DIRAS2: variants seen among roughly 807,000 people sequenced by gnomAD.
The protein encoded by DIRAS2 is GTP-binding protein Di-Ras2.
A neutral mutation model predicts 13.9 loss-of-function variants in DIRAS2; 5 were observed. The ratio of observed to expected loss-of-function variants is 0.36; its 90% confidence interval spans 0.19 to 0.76. The LOEUF (loss-of-function observed/expected upper bound fraction) is 0.76, where lower values mean the gene tolerates loss of function less well. Ranked by LOEUF, DIRAS2 falls within the 30% of genes least tolerant of loss-of-function variation. DIRAS2 has a pLI of 0.53. For synonymous variants in DIRAS2, 111 were observed against 105.4 expected (o/e 1.05, Z -0.33); for missense variants, 191 against 263.0 (o/e 0.73, Z 1.89).
chr9:90,619,078 G>T (rs1167717764), intron 1 of DIRAS2, among the ~76,000 whole-genome samples: 7 of 152,184 alleles, frequency 4.6e-5, no homozygotes, highest in Non-Finnish European at 1.0e-4. Context: ...GGCAGAGGTT[G>T]CAGTGAGCCA....
chr9:90,614,164 A>G (rs1042490685), intron 1 of DIRAS2, among the ~76,000 whole-genome samples: 4 of 152,326 alleles, frequency 2.6e-5, no homozygotes, highest in African/African-American at 9.6e-5. Context: ...GACAGCACCA[A>G]GGAAAGGCAA....
Position 90,613,462 on chromosome 9 carries a change from C to T in DIRAS2, c.366G>A (p.Lys122=), listed in dbSNP as rs768828141. 6.2e-7 allele frequency: 1 copy of T among 1,614,088 alleles called. No individual in the cohort carries two copies. Among genetic ancestry groups the T allele is most frequent in the Non-Finnish European group, 8.5e-7 (1 of 1,180,026 alleles). ...ESIPIMLVGN[K]CDESPSREVQ... ...CCTCGCGGCTGGGGCTCTCATCACACTTGTTCCCCACCAGCATGATGGGGA... is the reference window on the plus strand; with the variant it reads ...CCTCGCGGCTGGGGCTCTCATCACATTTGTTCCCCACCAGCATGATGGGGA... Residue 122 remains lysine (K), a synonymous_variant, in exon 2 of 2, where the codon AAG becomes AAA. Transcript: ENST00000375765. The surrounding 1 kb of genome is among the most constrained non-coding windows in gnomAD (Gnocchi z 5.6).
chr9:90,613,187 G>A lies in DIRAS2; in HGVS notation c.*41C>T, dbSNP rs1408008638. The A allele has an allele frequency of 2.5e-6, 4 of 1,577,856 alleles. No homozygotes were observed. On this transcript the variant is annotated 3_prime_UTR_variant, in exon 2 of 2. Transcript: ENST00000375765. The surrounding 1 kb of genome is among the most constrained non-coding windows in gnomAD (Gnocchi z 5.6). ...GTGGGTGTCATTTTGGGGGAGTGAG[G>A]TGCCGGGGACACACAGCTGCTCCTC...
intron 1 of DIRAS2, among the ~76,000 whole-genome samples, chr9:90,619,986 T>C (rs972583086): frequency 3.3e-5 from 5 of 152,102 alleles, no homozygotes; most frequent in Admixed American, 6.5e-5. Context: ...ACATTCAGAA[T>C]TGCAAATATA....
chr9:90,627,078 T>C (rs1257677495), intron 1 of DIRAS2, among the ~76,000 whole-genome samples: 1 of 152,104 alleles, frequency 6.6e-6, no homozygotes, highest in Non-Finnish European at 1.5e-5. Context: ...TCATTTAAAA[T>C]TCTGTGGCAT....
intron 1 of DIRAS2, among the ~76,000 whole-genome samples, chr9:90,629,183 CT>C (rs1442831970): frequency 6.6e-6 from 1 of 152,188 alleles, no homozygotes; most frequent in Non-Finnish European, 1.5e-5. Flanking sequence ...TTAATTTCAT[CT>C]TTTTACTTTT....
At chr9:90,630,420 T>G (rs1345724085) in intron 1 of DIRAS2, among the ~76,000 whole-genome samples, 1 of 152,280 alleles carries the variant, frequency 6.6e-6, no homozygotes, top group East Asian at 1.9e-4. Context: ...GTGAGTTTAC[T>G]GCATCATTTA....
At position 90,613,779 on chromosome 9, in the gene DIRAS2, C is replaced by G; in HGVS notation, c.49G>C (p.Gly17Arg). Residue 17 changes from glycine to arginine, a missense_variant, in exon 2 of 2, where the codon GGT (glycine) becomes CGT (arginine). Physicochemically the swap from Gly to Arg is moderately radical, Grantham distance 125 (BLOSUM62 -2). Transcript: ENST00000375765. This position sits in a 1 kb window ranked among gnomAD's most constrained non-coding sequence, Gnocchi z 5.6. The stretch of plus-strand genomic sequence containing the variant: ...AACACCAGGGAGCTCTTGCCAACAC[C>G]GCCAGCCCCAAACACGGCCACCCGG... ...DYRVAVFGAG[G>R]VGKSSLVLRF... The G allele has an allele frequency of 6.2e-7, 1 of 1,614,122 alleles. No individual in the cohort carries two copies. Among genetic ancestry groups the G allele is most frequent in the Non-Finnish European group, 8.5e-7 (1 of 1,180,012 alleles).
chr9:90,641,131 C>T (rs1156870943), intron 1 of DIRAS2, among the ~76,000 whole-genome samples: 3 of 152,210 alleles, frequency 2.0e-5, no homozygotes, highest in African/African-American at 4.8e-5. Flanking sequence ...CTCCTCCACT[C>T]TTCTCATGAG....
intron 1 of DIRAS2, among the ~76,000 whole-genome samples, chr9:90,624,772 C>T (rs781256031): frequency 2.4e-4 from 37 of 151,446 alleles, no homozygotes; most frequent in Non-Finnish European, 4.3e-4. Context: ...AGTGCAATGG[C>T]GCGATCTCAG....
intron 1 of DIRAS2, among the ~76,000 whole-genome samples, chr9:90,641,361 A>G (rs1425767815): frequency 6.6e-6 from 1 of 152,226 alleles, no homozygotes; most frequent in East Asian, 1.9e-4. Context: ...GTGCCTTGGT[A>G]TAGACAGCAA....
Position 90,612,027 on chromosome 9 carries a change from A to G in DIRAS2, c.*1201T>C, listed in dbSNP as rs545726577. 1.3e-5 allele frequency: 2 copies of G among 152,586 alleles called. No homozygotes were observed. The highest frequency in any genetic ancestry group is 4.8e-5 in the African/African-American group (2 of 41,596). 9.5% of individuals were successfully genotyped at this position (152,586 alleles called of 1,614,324 possible). ...AAAGATTAAAGATGCACACAAAATC[A>G]TTAAGAGAAAAAGATAATTGTTTCT... On this transcript the variant is annotated 3_prime_UTR_variant, in exon 2 of 2. Transcript: ENST00000375765.
rs1825117569 is a variant in DIRAS2 at position 90,611,891 on chromosome 9, A to T, written c.*1337T>A. On this transcript the variant is annotated 3_prime_UTR_variant, in exon 2 of 2. Coordinates refer to ENST00000375765, the MANE Select transcript of DIRAS2 (RefSeq NM_017594.5). Reference sequence around the variant, plus strand: ...GTCCAACCAGGCTCTACGATGGCAGAGCAATTAAGCTGAGTGGGCTCTTCC... The same window carrying T: ...GTCCAACCAGGCTCTACGATGGCAGTGCAATTAAGCTGAGTGGGCTCTTCC... The T allele has an allele frequency of 6.6e-6, 1 of 152,250 alleles. No individual in the cohort carries two copies. Among genetic ancestry groups the T allele is most frequent in the Admixed American group, 6.5e-5 (1 of 15,290 alleles). The allele number at this position is 152,250 out of a possible 1,614,324, so 9.4% of individuals were successfully genotyped here.
Position 90,613,166 on chromosome 9 carries a change from G to T in DIRAS2, c.*62C>A, listed in dbSNP as rs1825131903. The T allele has an allele frequency of 1.3e-6, 2 of 1,563,762 alleles. No homozygotes were observed. The highest frequency in any genetic ancestry group is 1.8e-5 in the Admixed American group (1 of 54,944). On this transcript the variant is annotated 3_prime_UTR_variant, in exon 2 of 2. Transcript: ENST00000375765. This position sits in a 1 kb window ranked among gnomAD's most constrained non-coding sequence, Gnocchi z 5.6. ...ATACATGCTACCCTGACGACGGTGG[G>T]TGTCATTTTGGGGGAGTGAGGTGCC... is the stretch of plus-strand genomic sequence containing the variant.
At position 90,635,354 on chromosome 9, in the gene DIRAS2, G is replaced by A. The variant is rs148657248; in HGVS notation, c.-37+7398C>T. 4.3e-4 allele frequency among the ~76,000 whole-genome samples: 65 copies of A among 152,298 alleles called. 1 individual carries two copies. The highest frequency in any genetic ancestry group is 1.5e-3 in the African/African-American group (62 of 41,560). On this transcript the variant is annotated intron_variant, in intron 1 of 1. Transcript: ENST00000375765. ...AATTAGTAAGAACTGAACAAGGAGCGCTGGATTCTAAACTGTTGCAGAAGG... is the reference window on the plus strand; with the variant it reads ...AATTAGTAAGAACTGAACAAGGAGCACTGGATTCTAAACTGTTGCAGAAGG...
Position 90,611,093 on chromosome 9 carries a change from T to G in DIRAS2, c.*2135A>C, listed in dbSNP as rs1825108520. ...CCATGAAGTTCTGTTTCTTCTTCCA[T>G]TTAACCTATACCCAAATTAAAACTT... is the stretch of plus-strand genomic sequence containing the variant. On this transcript the variant is annotated 3_prime_UTR_variant, in exon 2 of 2. Coordinates refer to ENST00000375765, the MANE Select transcript of DIRAS2 (RefSeq NM_017594.5). 6.6e-6 allele frequency: 1 copy of G among 152,212 alleles called. No homozygotes were observed. The highest frequency in any genetic ancestry group is 1.5e-5 in the Non-Finnish European group (1 of 68,040). 9.4% of individuals were successfully genotyped at this position (152,212 alleles called of 1,614,324 possible).
At chr9:90,629,549 G>A (rs1221409616) in intron 1 of DIRAS2, among the ~76,000 whole-genome samples, 1 of 151,324 alleles carries the variant, frequency 6.6e-6, no homozygotes, top group Admixed American at 6.6e-5. Context: ...AACTGCTGAC[G>A]GTGTGAAAAA....
chr9:90,625,155 T>C (rs191984153), intron 1 of DIRAS2, among the ~76,000 whole-genome samples: 2 of 152,172 alleles, frequency 1.3e-5, no homozygotes, highest in South Asian at 2.1e-4. Flanking sequence ...CGAATCTGCA[T>C]GTATGGAAAA....
chr9:90,620,926 T>C lies in DIRAS2; in HGVS notation c.-36-7063A>G, dbSNP rs139673438. ...CCATTATCTAGATTATCCTATCTTA[T>C]TCATTTAAAATTATCATGAAAATAA... On this transcript the variant is annotated intron_variant, in intron 1 of 1. Coordinates refer to ENST00000375765, the MANE Select transcript of DIRAS2 (RefSeq NM_017594.5). Among the ~76,000 whole-genome samples, 673 of 152,328 alleles carry C rather than the reference T, an allele frequency of 4.4e-3. 3 individuals carry two copies. Among genetic ancestry groups the C allele is most frequent in the African/African-American group, 0.015 (637 of 41,578 alleles).
Sources: gnomAD v4.1 joint callset for allele counts (sites outside exome capture counted in the v4.1 genomes callset) on GRCh38, gnomAD v4.1.1 for gene constraint, Gnocchi (gnomAD v3.1) non-coding constraint, MANE v1.5 for transcripts, NCBI Gene and HGNC (gene_info 2026-07-23, HGNC 2026-07-21) for gene names.